The following LZTS1 variants were observed in gnomAD, a reference collection of about 807,000 sequenced individuals.
LZTS1 encodes leucine zipper putative tumor suppressor 1.
LZTS1 carries 31 observed loss-of-function variants against 45.8 expected under a neutral mutation model. The observed-to-expected ratio is 0.68, with a 90% CI of 0.51 to 0.91. The LOEUF (loss-of-function observed/expected upper bound fraction) is 0.91. LZTS1 is among the 40% of genes least tolerant of loss of function. The pLI, the probability that LZTS1 is intolerant of heterozygous loss-of-function variation, is 0.00. For synonymous variants in LZTS1, 359 were observed against 357.3 expected (o/e 1.00, Z -0.05); for missense variants, 821 against 788.9 (o/e 1.04, Z -0.49).
At chr8:20,251,107 AT>A (rs1289639280) in intron 3 of LZTS1, among the ~76,000 whole-genome samples, 1 of 16,854 alleles carries the variant, frequency 5.9e-5, no homozygotes, top group Non-Finnish European at 1.1e-4. Flanking sequence ...TAATATATAT[AT>A]ATATATATAT....
intron 1 of LZTS1, among the ~76,000 whole-genome samples, chr8:20,280,623 C>T (rs150164862): frequency 2.7e-3 from 418 of 152,218 alleles, no homozygotes; most frequent in African/African-American, 9.7e-3. Flanking sequence ...GCTGGGGAGT[C>T]GATTGCGCTA....
chr8:20,259,231 C>A (rs11204106), intron 1 of LZTS1, among the ~76,000 whole-genome samples: 62,504 of 151,826 alleles, frequency 0.41, 13,904 homozygotes, highest in African/African-American at 0.59. Flanking sequence ...CATTTACAAA[C>A]TGAAAATATT....
At chr8:20,262,097 A>G (rs867842714) in intron 1 of LZTS1, among the ~76,000 whole-genome samples, 45 of 152,048 alleles carry the variant, frequency 3.0e-4, no homozygotes, top group Middle Eastern at 6.8e-3. Flanking sequence ...TCTTTACCCC[A>G]TCCATTCCCC....
intron 1 of LZTS1, among the ~76,000 whole-genome samples, chr8:20,268,336 G>A (rs1004237107): frequency 1.3e-5 from 2 of 151,660 alleles, no homozygotes; most frequent in African/African-American, 2.4e-5. Context: ...CCCAGCAGAG[G>A]TCTCTCTGGG....
chr8:20,289,007 T>TTTTTA (rs1554555278), intron 1 of LZTS1, among the ~76,000 whole-genome samples: 1 of 150,958 alleles, frequency 6.6e-6, no homozygotes, highest in South Asian at 2.1e-4. Context: ...TTTTTTTTTT[T>TTTTTA]AGACATATGG....
chr8:20,272,195 T>C (rs1377072209), intron 1 of LZTS1, among the ~76,000 whole-genome samples: 2 of 152,208 alleles, frequency 1.3e-5, no homozygotes, highest in Non-Finnish European at 2.9e-5. Flanking sequence ...GCCCAACCTG[T>C]CTTCCCAGGT....
chr8:20,282,161 TC>T (rs1800705272), intron 1 of LZTS1, among the ~76,000 whole-genome samples: 1 of 152,194 alleles, frequency 6.6e-6, no homozygotes, highest in Non-Finnish European at 1.5e-5. Context: ...GCCATGGGGT[TC>T]TTGGCAATAC....
intron 1 of LZTS1, among the ~76,000 whole-genome samples, chr8:20,281,787 T>C (rs1325682669): frequency 1.3e-5 from 2 of 152,212 alleles, no homozygotes; most frequent in African/African-American, 2.4e-5. Flanking sequence ...GCTGGGGCCA[T>C]GCTTGTACAA....
At chr8:20,266,991 C>G (rs1800371093) in intron 1 of LZTS1, among the ~76,000 whole-genome samples, 1 of 151,790 alleles carries the variant, frequency 6.6e-6, no homozygotes, top group Non-Finnish European at 1.5e-5. Context: ...ACCTGTAGTC[C>G]CAGCCACTCA....
intron 1 of LZTS1, among the ~76,000 whole-genome samples, chr8:20,279,807 T>C (rs574041047): frequency 6.6e-6 from 1 of 150,932 alleles, no homozygotes; most frequent in Admixed American, 6.6e-5. Flanking sequence ...GGAAACATGG[T>C]GAGACCCCAA....
At position 20,253,527 on chromosome 8, in the gene LZTS1, C is replaced by A; in HGVS notation, c.404G>T (p.Gly135Val). The A allele has an allele frequency of 6.5e-7, 1 of 1,538,088 alleles. No homozygotes were observed. Residue 135 changes from glycine (G) to valine (V), a missense_variant, in exon 3 of 4, where the codon GGA (glycine) becomes GTA (valine). By Grantham distance (109) the Gly-to-Val change is moderately radical. Transcript: ENST00000381569. The stretch of plus-strand genomic sequence containing the variant: ...CTCCGGGGAGGAGTGCAGGATGGCT[C>A]CTGACCGTGGCAGCACAGGCTTGAA... ...TAFKPVLPRSGAILHSSPESA... is the reference protein window; with the variant it reads ...TAFKPVLPRSVAILHSSPESA...
intron 1 of LZTS1, among the ~76,000 whole-genome samples, chr8:20,265,561 C>G (rs1296923275): frequency 6.6e-6 from 1 of 151,074 alleles, no homozygotes; most frequent in African/African-American, 2.4e-5. Flanking sequence ...TGCCTATAGT[C>G]CCAGCTATTT....
intron 1 of LZTS1, among the ~76,000 whole-genome samples, chr8:20,291,843 G>GT (rs11380871): frequency 0.55 from 83,901 of 151,938 alleles, 24,617 homozygotes; most frequent in Non-Finnish European, 0.66. Flanking sequence ...CAAAATCATG[G>GT]TTTTTTTTGC....
chr8:20,270,516 G>C lies in LZTS1; in HGVS notation c.-134-15201C>G, dbSNP rs138949314. ...GCTTGTGAGTTTGGATGGGGCAAGAGTATGGCGAAGGACAGAGGTGGCAAG... is the reference window on the plus strand; with the variant it reads ...GCTTGTGAGTTTGGATGGGGCAAGACTATGGCGAAGGACAGAGGTGGCAAG... On this transcript the variant is annotated intron_variant, in intron 1 of 3. Transcript: ENST00000381569. Among the ~76,000 whole-genome samples the C allele has an allele frequency of 2.3e-3, 352 of 152,310 alleles. 5 individuals carry two copies. Among genetic ancestry groups the C allele is most frequent in the African/African-American group, 8.2e-3 (339 of 41,568 alleles).
At chr8:20,255,524 A>T (rs1800077727) in intron 1 of LZTS1, among the ~76,000 whole-genome samples, 1 of 151,958 alleles carries the variant, frequency 6.6e-6, no homozygotes, top group South Asian at 2.1e-4. Context: ...TACTCTAAAC[A>T]CTCGGGACCC....
At position 20,249,653 on chromosome 8, in the gene LZTS1, A is replaced by T. The variant is rs371478400; in HGVS notation, c.*69T>A. 6.5e-7 allele frequency: 1 copy of T among 1,532,822 alleles called. No homozygotes were observed. 95.0% of individuals were successfully genotyped at this position (1,532,822 alleles called of 1,614,324 possible). A position where few individuals can be genotyped will look rare whatever the true frequency, so the allele number is the denominator to read the frequency against. Reference sequence around the variant, plus strand: ...CTCAGAGGGGTCTGAATTGCTGAGCAGGGGGGATGCACGGGAGAGCCCTGC... The same window carrying T: ...CTCAGAGGGGTCTGAATTGCTGAGCTGGGGGGATGCACGGGAGAGCCCTGC... On this transcript the variant is annotated 3_prime_UTR_variant, in exon 4 of 4. Coordinates refer to ENST00000381569, the MANE Select transcript of LZTS1 (RefSeq NM_021020.5).
At chr8:20,260,099 G>A (rs892328782) in intron 1 of LZTS1, among the ~76,000 whole-genome samples, 15 of 152,088 alleles carry the variant, frequency 9.9e-5, no homozygotes, top group Admixed American at 2.6e-4. Context: ...CAGGGGTCTC[G>A]CTGTGTTGCC....
chr8:20,302,633 C>T (rs1193127259), intron 1 of LZTS1, among the ~76,000 whole-genome samples: 1 of 152,160 alleles, frequency 6.6e-6, no homozygotes, highest in Non-Finnish European at 1.5e-5. Context: ...TTAGGAGCAG[C>T]GCCTGCCCGG....
At chr8:20,283,764 G>C (rs1376985038) in intron 1 of LZTS1, among the ~76,000 whole-genome samples, 1 of 152,154 alleles carries the variant, frequency 6.6e-6, no homozygotes, top group Non-Finnish European at 1.5e-5. Context: ...CTGGAGTGCA[G>C]GATGGAGGGA....
Sources: gnomAD v4.1 joint callset for allele counts (sites outside exome capture counted in the v4.1 genomes callset) on GRCh38, gnomAD v4.1.1 for gene constraint, MANE v1.5 for transcripts, NCBI Gene and HGNC (gene_info 2026-07-23, HGNC 2026-07-21) for gene names.